Variants in GREB1L observed in about 807,000 individuals in gnomAD.
GREB1L encodes GREB1-like protein.
Under a neutral mutation model 200.8 loss-of-function variants are expected in GREB1L, and 17 were observed. That is an observed-to-expected ratio of 0.08 (90% CI 0.06 to 0.13). The LOEUF is 0.13. Ranked by LOEUF, GREB1L falls within the 10% of genes least tolerant of loss-of-function variation. The pLI is 1.00. For synonymous variants in GREB1L, 789 were observed against 893.0 expected, an observed-to-expected ratio of 0.88 and a Z score of 2.08; for missense variants, 1,657 against 2,367.7, an observed-to-expected ratio of 0.70 and a Z score of 6.23.
chr18:21,294,719 A>G lies in GREB1L; in HGVS notation c.-120+52326A>G, dbSNP rs2038500605. Among the ~76,000 whole-genome samples the G allele has an allele frequency of 2.6e-5, 4 of 152,236 alleles. No individual in the cohort carries two copies. In the South Asian group the frequency reaches 8.3e-4, roughly 31 times the overall value. On this transcript the variant is annotated intron_variant, in intron 1 of 32. Coordinates refer to ENST00000424526, the MANE Select transcript of GREB1L (RefSeq NM_001142966.3). ...TTTAACACAGCATTTATTTTATGGT[A>G]TACATTGTTAGAAGAACTGCCATAT... is the stretch of plus-strand genomic sequence containing the variant.
chr18:21,283,953 A>G (rs1437162360), intron 1 of GREB1L, among the ~76,000 whole-genome samples: 4 of 152,144 alleles, frequency 2.6e-5, no homozygotes, highest in South Asian at 4.1e-4. Flanking sequence ...TAAAAAGACA[A>G]TTTTCAAAGG....
chr18:21,372,664 A>G (rs1598709956), intron 2 of GREB1L, among the ~76,000 whole-genome samples: 1 of 151,994 alleles, frequency 6.6e-6, no homozygotes, highest in Non-Finnish European at 1.5e-5. Flanking sequence ...GCTCATGCCT[A>G]TAATCCCAGC....
intron 1 of GREB1L, among the ~76,000 whole-genome samples, chr18:21,244,401 A>G (rs534981753): frequency 6.6e-6 from 1 of 152,282 alleles, no homozygotes; most frequent in South Asian, 2.1e-4. Context: ...ATAAATACGA[A>G]GGCCGAGTTT....
chr18:21,437,205 A>G (rs1413359508), intron 7 of GREB1L, among the ~76,000 whole-genome samples: 5 of 152,290 alleles, frequency 3.3e-5, no homozygotes, highest in African/African-American at 1.2e-4. Context: ...CTGAGATTAT[A>G]GGTGTGAGCC....
At chr18:21,375,936 A>C (rs908063106) in intron 2 of GREB1L, among the ~76,000 whole-genome samples, 5 of 152,174 alleles carry the variant, frequency 3.3e-5, no homozygotes, top group African/African-American at 1.2e-4. Flanking sequence ...TAATAACAAC[A>C]GCTACTATTA....
chr18:21,303,382 C>A (rs1188246605), intron 1 of GREB1L, among the ~76,000 whole-genome samples: 1 of 152,062 alleles, frequency 6.6e-6, no homozygotes. Context: ...TGGAAAAATT[C>A]TTGTTCTTTT....
In GREB1L at chr18:21,508,259, C is replaced by T. The variant is rs1353174406; in HGVS notation, c.4510C>T (p.Leu1504=). ...GGGCAAGCACCTGGAGAGCATGCGG[C>T]TGCCCCTGGTTTCAGACAAGGTGGG... The part of the protein sequence containing the change: ...KQGKHLESMR[L]PLVSDKNLNA... Residue 1504 remains leucine (L), a synonymous_variant, in exon 26 of 33, where the codon CTG becomes TTG. Transcript: ENST00000424526. 1 of 1,551,714 alleles carries T rather than the reference C, an allele frequency of 6.4e-7. No individual in the cohort carries two copies. The highest frequency in any genetic ancestry group is 1.4e-5 in the African/African-American group (1 of 73,162).
intron 1 of GREB1L, among the ~76,000 whole-genome samples, chr18:21,252,268 T>A (rs139566189): frequency 1.2e-3 from 178 of 152,124 alleles, no homozygotes; most frequent in African/African-American, 3.9e-3. Flanking sequence ...GTTTTGAAAG[T>A]TATATTAGTC....
chr18:21,332,098 T>C (rs1426509639), intron 1 of GREB1L, among the ~76,000 whole-genome samples: 1 of 152,190 alleles, frequency 6.6e-6, no homozygotes, highest in Non-Finnish European at 1.5e-5. Flanking sequence ...AAGATTTCAA[T>C]GAAAAATCTT....
At chr18:21,438,419 C>T (rs1436798978) in intron 7 of GREB1L, among the ~76,000 whole-genome samples, 12 of 152,114 alleles carry the variant, frequency 7.9e-5, no homozygotes, top group Non-Finnish European at 8.8e-5. Context: ...AATCCCAACA[C>T]TTTGGGAAGC....
chr18:21,434,485 G>GTATATATATATATATATATATATA, intron 7 of GREB1L, among the ~76,000 whole-genome samples: 1 of 107,826 alleles, frequency 9.3e-6, no homozygotes, highest in African/African-American at 4.4e-5. Flanking sequence ...AAAAAAAATA[G>GTATATATATATATATATATATATA]TATATATATA....
chr18:21,279,931 G>T (rs2038239592), intron 1 of GREB1L, among the ~76,000 whole-genome samples: 1 of 152,096 alleles, frequency 6.6e-6, no homozygotes. Flanking sequence ...AAGTACAGAG[G>T]CTCCCAAATA....
intron 1 of GREB1L, among the ~76,000 whole-genome samples, chr18:21,304,359 A>G (rs976700673): frequency 1.4e-4 from 22 of 152,194 alleles, no homozygotes; most frequent in Non-Finnish European, 2.9e-4. Flanking sequence ...ACAAAAGATG[A>G]TATTTAAGTT....
chr18:21,405,798 C>T (rs570912508), intron 7 of GREB1L, among the ~76,000 whole-genome samples: 4 of 151,516 alleles, frequency 2.6e-5, no homozygotes, highest in South Asian at 4.2e-4. Flanking sequence ...GAGACTCTGT[C>T]GCAAAAGAAA....
intron 27 of GREB1L, among the ~76,000 whole-genome samples, chr18:21,511,514 A>G (rs1395374189): frequency 6.6e-6 from 1 of 152,126 alleles, no homozygotes; most frequent in African/African-American, 2.4e-5. Context: ...GCCTTCCCCT[A>G]TGTTTTCTCC....
In GREB1L at chr18:21,442,711, A is replaced by G. The variant is rs528029564; in HGVS notation, c.1207+1174A>G. 2.3e-4 allele frequency among the ~76,000 whole-genome samples: 35 copies of G among 152,262 alleles called. 1 individual carries two copies. In the South Asian group the frequency reaches 6.4e-3, roughly 28 times the overall value. On this transcript the variant is annotated intron_variant, in intron 10 of 32. Transcript: ENST00000424526. Reference sequence around the variant, plus strand: ...CCTCACAAAAATAGCTAAGATAACAAAGGAACAGGGATCTCCAAGCACCTG... The same window carrying G: ...CCTCACAAAAATAGCTAAGATAACAGAGGAACAGGGATCTCCAAGCACCTG...
intron 28 of GREB1L, among the ~76,000 whole-genome samples, chr18:21,514,869 TA>T (rs1400443517): frequency 6.6e-6 from 1 of 152,136 alleles, no homozygotes; most frequent in African/African-American, 2.4e-5. Context: ...CTCACATTGC[TA>T]GGGGGTGCTG....
chr18:21,488,592 C>G (rs1346738013), intron 18 of GREB1L, among the ~76,000 whole-genome samples: 1 of 152,208 alleles, frequency 6.6e-6, no homozygotes, highest in Non-Finnish European at 1.5e-5. Context: ...CTACCAGGCT[C>G]CATGAGAGCA....
rs1265457417 is a variant in GREB1L, at chr18:21,340,278, G to T, written c.-119-25749G>T. ...TAAAAATATAAAAAAAAATTAGCCGGGCATGGTGGTGGGCACCTGTAGTCC... is the reference window on the plus strand; with the variant it reads ...TAAAAATATAAAAAAAAATTAGCCGTGCATGGTGGTGGGCACCTGTAGTCC... On this transcript the variant is annotated intron_variant, in intron 1 of 32. Transcript: ENST00000424526. 6.6e-5 allele frequency among the ~76,000 whole-genome samples: 10 copies of T among 152,016 alleles called. No individual in the cohort carries two copies. The East Asian group carries it at 7.9e-4, about 12-fold the overall frequency.
Sources: gnomAD v4.1 joint callset for allele counts (sites outside exome capture counted in the v4.1 genomes callset) on GRCh38, gnomAD v4.1.1 for gene constraint, MANE v1.5 for transcripts, NCBI Gene and HGNC (gene_info 2026-07-23, HGNC 2026-07-21) for gene names.